Variants in SLC4A5 observed in about 807,000 individuals in gnomAD.
SLC4A5 encodes the protein electrogenic sodium bicarbonate cotransporter 4.
A neutral mutation model predicts 120.4 loss-of-function variants in SLC4A5; 96 were observed. The observed-to-expected ratio is 0.80, with a 90% CI of 0.68 to 0.94. The LOEUF is 0.94. Ranked by LOEUF, SLC4A5 falls within the 40% of genes least tolerant of loss-of-function variation. SLC4A5 has a pLI of 0.00. For synonymous variants in SLC4A5, 550 were observed against 571.1 expected, an observed-to-expected ratio of 0.96 and a Z score of 0.53; for missense variants, 1,259 against 1,459.5, an observed-to-expected ratio of 0.86 and a Z score of 2.24.
intron 12 of SLC4A5, among the ~76,000 whole-genome samples, chr2:74,259,380 A>G (rs905822226): frequency 6.6e-6 from 1 of 152,102 alleles, no homozygotes; most frequent in African/African-American, 2.4e-5. Flanking sequence ...GGCCTGACAC[A>G]GAGCCAGCAC....
chr2:74,338,394 C>G (rs563881555), intron 3 of SLC4A5, among the ~76,000 whole-genome samples: 1 of 152,102 alleles, frequency 6.6e-6, no homozygotes, highest in Non-Finnish European at 1.5e-5. Flanking sequence ...CCTTTCAGAT[C>G]GGCAGATATC....
chr2:74,275,983 G>C (rs567714757), intron 8 of SLC4A5, among the ~76,000 whole-genome samples: 2 of 152,314 alleles, frequency 1.3e-5, no homozygotes, highest in African/African-American at 4.8e-5. Flanking sequence ...GTGTGTATGA[G>C]CACATGCCTG....
At chr2:74,293,156 A>T (rs142498334) in intron 7 of SLC4A5, among the ~76,000 whole-genome samples, 26 of 152,246 alleles carry the variant, frequency 1.7e-4, no homozygotes, top group African/African-American at 5.8e-4. Flanking sequence ...AGCCAAAACC[A>T]TTCTTGCCAA....
chr2:74,279,790 C>T (rs1357183397), intron 8 of SLC4A5, among the ~76,000 whole-genome samples: 1 of 152,194 alleles, frequency 6.6e-6, no homozygotes, highest in African/African-American at 2.4e-5. Context: ...TAAGCTGCTA[C>T]CATGAGGTAC....
intron 7 of SLC4A5, among the ~76,000 whole-genome samples, chr2:74,297,622 T>C (rs1248581351): frequency 6.6e-6 from 1 of 152,190 alleles, no homozygotes; most frequent in African/African-American, 2.4e-5. Context: ...TTTCTCCTAA[T>C]GGCCTCTCAA....
At chr2:74,297,769 T>C (rs1255703395) in intron 7 of SLC4A5, among the ~76,000 whole-genome samples, 1 of 152,208 alleles carries the variant, frequency 6.6e-6, no homozygotes. Flanking sequence ...CTACTAAGTA[T>C]TGACTTCCTA....
intron 12 of SLC4A5, among the ~76,000 whole-genome samples, chr2:74,258,452 A>G (rs1166274046): frequency 2.0e-5 from 3 of 152,246 alleles, no homozygotes; most frequent in Non-Finnish European, 4.4e-5. Context: ...GGTTATAAAA[A>G]ACTTTTACTA....
chr2:74,259,595 G>C, exon 12 of SLC4A5: 2 of 1,614,198 alleles, frequency 1.2e-6, no homozygotes, highest in South Asian at 2.2e-5. Flanking sequence ...TACCTGGTCT[G>C]TGTTTGGGGT....
At chr2:74,240,780 A>AC (rs1282176949) in intron 20 of SLC4A5, among the ~76,000 whole-genome samples, 2 of 151,992 alleles carry the variant, frequency 1.3e-5, no homozygotes, top group Non-Finnish European at 2.9e-5. Flanking sequence ...AAAAAAAAAA[A>AC]AACCCTAATC....
intron 4 of SLC4A5, among the ~76,000 whole-genome samples, chr2:74,329,583 C>T (rs915370263): frequency 6.7e-6 from 1 of 149,532 alleles, no homozygotes; most frequent in Non-Finnish European, 1.5e-5. Context: ...GGCGAGGCTC[C>T]ATCTCAAACA....
chr2:74,322,187 T>C (rs747983481), intron 5 of SLC4A5, among the ~76,000 whole-genome samples: 2 of 146,742 alleles, frequency 1.4e-5, no homozygotes, highest in Non-Finnish European at 3.0e-5. Flanking sequence ...TCCTGTTATC[T>C]GAAAAAAAAA....
In SLC4A5 at chr2:74,221,510, A is replaced by G. The variant is rs546795149; in HGVS notation, c.3332-9T>C. On this transcript the variant is annotated splice_polypyrimidine_tract_variant and intron_variant, in intron 29 of 30. Transcript: ENST00000394019. ...ACTGGAAGATCTTTTTCCTGGCAGG[A>G]AAATGAAAAATGTCAGATGTGGAGC... 488 of 1,613,944 alleles carry G rather than the reference A, an allele frequency of 3.0e-4. 4 individuals are homozygous for G. In the South Asian group the frequency reaches 5.0e-3, roughly 17 times the overall value.
intron 8 of SLC4A5, 87 bp from the exon 9 acceptor site, chr2:74,265,351 G>A: frequency 6.7e-7 from 1 of 1,488,708 alleles, no homozygotes; most frequent in South Asian, 1.3e-5. Flanking sequence ...GGTGTCATGT[G>A]GGTTCATGCT....
At chr2:74,256,553 T>C (rs1278474617) in intron 12 of SLC4A5, among the ~76,000 whole-genome samples, 1 of 152,164 alleles carries the variant, frequency 6.6e-6, no homozygotes, top group Non-Finnish European at 1.5e-5. Flanking sequence ...CAAGGTGGCC[T>C]CTCTCCAGTC....
At chr2:74,239,306 G>A in intron 21 of SLC4A5, 29 bp downstream of exon 21, 1 of 1,606,682 alleles carries the variant, frequency 6.2e-7, no homozygotes, top group Non-Finnish European at 8.5e-7. Flanking sequence ...CTGACTGCAG[G>A]TCCCCTCCTA....
intron 6 of SLC4A5, among the ~76,000 whole-genome samples, chr2:74,312,477 A>T (rs1179713597): frequency 1.3e-5 from 2 of 151,740 alleles, no homozygotes; most frequent in Non-Finnish European, 2.9e-5. Flanking sequence ...TGATCTTCCA[A>T]TCTCAGCCTC....
At chr2:74,240,586 T>G (rs903849400) in intron 20 of SLC4A5, among the ~76,000 whole-genome samples, 2 of 151,994 alleles carry the variant, frequency 1.3e-5, no homozygotes, top group African/African-American at 4.8e-5. Flanking sequence ...CTGGGCAACA[T>G]AGTGAGACCT....
Position 74,285,910 on chromosome 2 carries a change from A to C in SLC4A5, c.272-8T>G. 6.3e-7 allele frequency: 1 copy of C among 1,587,348 alleles called. No homozygotes were observed. The highest frequency in any genetic ancestry group is 1.1e-5 in the South Asian group (1 of 87,590). ...GCTCAGCAGCTGGGGACCCTGCAAA[A>C]GAGGGGCAGCAGGTCTGCTGAGTGT... On this transcript the variant is annotated splice_region_variant and splice_polypyrimidine_tract_variant and intron_variant, in intron 7 of 30. Coordinates refer to ENST00000394019, the Ensembl canonical transcript of SLC4A5.
At chr2:74,256,869 G>A (rs530658331) in intron 12 of SLC4A5, among the ~76,000 whole-genome samples, 5 of 152,138 alleles carry the variant, frequency 3.3e-5, no homozygotes, top group African/African-American at 4.8e-5. Context: ...TTGGGGTAGC[G>A]GCAGGACTGG....
Sources: gnomAD v4.1 joint callset for allele counts (sites outside exome capture counted in the v4.1 genomes callset) on GRCh38, gnomAD v4.1.1 for gene constraint, MANE v1.5 for transcripts, NCBI Gene and HGNC (gene_info 2026-07-23, HGNC 2026-07-21) for gene names.